C1GALT1C1: variants seen among roughly 807,000 people sequenced by gnomAD.
The protein encoded by C1GALT1C1 is C1GALT1 specific chaperone 1, also known as C1GALT1-specific chaperone 1.
For synonymous variants in C1GALT1C1, 77 were observed against 77.9 expected, an observed-to-expected ratio of 0.99 and a Z score of 0.06; for missense variants, 176 against 234.7, an observed-to-expected ratio of 0.75 and a Z score of 1.63.
At position 120,629,957 on chromosome X, in the gene C1GALT1C1, G is replaced by A. The variant is rs111295814; in HGVS notation, c.-46C>T. On this transcript the variant is annotated 5_prime_UTR_variant, in exon 1 of 2. Transcript: ENST00000304661. Reference sequence around the variant, plus strand: ...CTTGGGGACAGGAAAGCGCAGCCGCGCACGGGTTTCCTCTCACGTTGGCGC... The same window carrying A: ...CTTGGGGACAGGAAAGCGCAGCCGCACACGGGTTTCCTCTCACGTTGGCGC... 1,841 of 112,286 alleles carry A rather than the reference G, an allele frequency of 0.016. 40 individuals carry two copies. Among genetic ancestry groups the A allele is most frequent in the African/African-American group, 0.057 (1,766 of 30,868 alleles). 9.3% of individuals were successfully genotyped at this position (112,286 alleles called of 1,213,427 possible).
chrX:120,628,092 T>C (rs1013336923), intron 1 of C1GALT1C1, among the ~76,000 whole-genome samples: 1 of 110,160 alleles, frequency 9.1e-6, no homozygotes. Context: ...TCCAAAAAAT[T>C]AGCCAGACGT....
intron 1 of C1GALT1C1, among the ~76,000 whole-genome samples, chrX:120,628,256 TAAAAG>T (rs1407621733): frequency 9.0e-6 from 1 of 111,562 alleles, no homozygotes; most frequent in Non-Finnish European, 1.9e-5. Flanking sequence ...AATAAATAAA[TAAAAG>T]AAATTAAAAG....
At chrX:120,627,287 C>T in intron 1 of C1GALT1C1, 116 bp from the exon 2 acceptor site, 1 of 522,188 alleles carries the variant, frequency 1.9e-6, no homozygotes, top group Non-Finnish European at 2.8e-6. Flanking sequence ...TTAAAAGGTT[C>T]CCAAGCTTGA....
intron 1 of C1GALT1C1, among the ~76,000 whole-genome samples, chrX:120,629,590 G>A (rs1429648942): frequency 1.8e-5 from 2 of 111,896 alleles, no homozygotes; most frequent in South Asian, 3.7e-4. Context: ...AACTGCACAC[G>A]AGCACAAATG....
intron 1 of C1GALT1C1, among the ~76,000 whole-genome samples, chrX:120,629,326 G>T (rs972600025): frequency 9.0e-6 from 1 of 111,405 alleles, no homozygotes; most frequent in Non-Finnish European, 1.9e-5. Flanking sequence ...TTCATGTCAC[G>T]CAGTTTTCAT....
intron 1 of C1GALT1C1, among the ~76,000 whole-genome samples, chrX:120,628,252 TAAATA>T (rs1455155825): frequency 8.9e-6 from 1 of 111,855 alleles, no homozygotes; most frequent in East Asian, 2.8e-4. Flanking sequence ...AAAAAATAAA[TAAATA>T]AAAGAAATTA....
At position 120,627,140 on chromosome X, in the gene C1GALT1C1, CA is replaced by C; in HGVS notation, c.26del (p.Leu9Ter). 1 of 1,119,657 alleles carries C rather than the reference CA, an allele frequency of 8.9e-7. No homozygotes were observed. The allele number at this position is 1,119,657 out of a possible 1,213,427, so 92.3% of individuals were successfully genotyped here. A position where few individuals can be genotyped will look rare whatever the true frequency, so the allele number is the denominator to read the frequency against. On this transcript the variant is annotated frameshift_variant, in exon 2 of 2. Transcript: ENST00000304661. LOFTEE classifies it high-confidence loss of function. ...AAATGCTTCCAAGCATCACACCCTTCAAAAAGGAGCTGCTTTCAGAAAGCAT... is the reference window on the plus strand; with the variant it reads ...AAATGCTTCCAAGCATCACACCCTTCAAAAGGAGCTGCTTTCAGAAAGCAT... MLSESSSF[L>X]KGVMLGSIFC...
In C1GALT1C1 at chrX:120,626,229, T is replaced by C. The variant is rs1469899237; in HGVS notation, c.938A>G (p.Asn313Ser). ...CACTTCTCAGTCATTGTCAGAACCA[T>C]TTGGAGGTAAGAAAACCAATGCATC... ...FNDALVFLPP[N>S]GSDND The change falls in exon 2 of 2, where the codon AAT (asparagine) becomes AGT (serine). Residue 313 changes from asparagine to serine, a missense_variant. By Grantham distance (46) the Asn-to-Ser change is conservative. Coordinates refer to ENST00000304661, the MANE Select transcript of C1GALT1C1 (RefSeq NM_001011551.3). 10 of 1,209,358 alleles carry C rather than the reference T, an allele frequency of 8.3e-6. No homozygotes were observed. The highest frequency in any genetic ancestry group is 1.1e-5 in the Non-Finnish European group (10 of 893,247).
Position 120,626,404 on chromosome X carries a change from T to C in C1GALT1C1, c.763A>G (p.Ile255Val). The C allele has an allele frequency of 1.6e-6, 2 of 1,212,225 alleles. No individual in the cohort carries two copies. Among genetic ancestry groups the C allele is most frequent in the Admixed American group, 2.2e-5 (1 of 46,094 alleles). ...VFNTKSVGLS[I>V]KEAMTYHPNQ... The stretch of plus-strand genomic sequence containing the variant: ...GGGTGATAAGTCATTGCCTCTTTAA[T>C]AGAAAGCCCAACAGATTTGGTATTA... Residue 255 changes from isoleucine (I) to valine (V), a missense_variant, in exon 2 of 2, where the codon ATT (isoleucine) becomes GTT (valine). Physicochemically the swap from Ile to Val is conservative, Grantham distance 29. Transcript: ENST00000304661.
intron 1 of C1GALT1C1, 86 bp from the exon 2 acceptor site, chrX:120,627,257 T>C: frequency 1.4e-6 from 1 of 731,064 alleles, no homozygotes; most frequent in East Asian, 3.7e-5. Context: ...TATACTTACA[T>C]TTTGCTTTTA....
intron 1 of C1GALT1C1, 28 bp downstream of exon 1, chrX:120,629,889 G>A (rs1345635541): frequency 8.9e-6 from 1 of 112,202 alleles, no homozygotes; most frequent in Non-Finnish European, 1.9e-5. Flanking sequence ...GGTGCGCTTG[G>A]GGTGGGGGTC....
Position 120,626,300 on chromosome X carries a change from C to T in C1GALT1C1, c.867G>A (p.Met289Ile). ...NGLTPNQMHV[M>I]MYGVYRLRAF... ...CCCTAAGGCGGTATACCCCATACAT[C>T]ATCACATGCATCTGATTTGGAGTCA... The change falls in exon 2 of 2, where the codon ATG (methionine) becomes ATA (isoleucine). Residue 289 changes from methionine to isoleucine, a missense_variant. Transcript: ENST00000304661. The T allele has an allele frequency of 8.2e-7, 1 of 1,212,279 alleles. No homozygotes were observed. Among genetic ancestry groups the T allele is most frequent in the Non-Finnish European group, 1.1e-6 (1 of 895,532 alleles).
In C1GALT1C1 at chrX:120,627,108, G is replaced by A; in HGVS notation, c.59C>T (p.Ala20Val). Residue 20 changes from alanine (A) to valine (V), a missense_variant, in exon 2 of 2, where the codon GCT (alanine) becomes GTT (valine). Transcript: ENST00000304661. The part of the protein sequence containing the change: ...KGVMLGSIFC[A>V]LITMLGHIRI... ...AATGTGTCCTAGCATAGTGATCAAAGCACAGAAAATGCTTCCAAGCATCAC... is the reference window on the plus strand; with the variant it reads ...AATGTGTCCTAGCATAGTGATCAAAACACAGAAAATGCTTCCAAGCATCAC... 1 of 1,181,700 alleles carries A rather than the reference G, an allele frequency of 8.5e-7. No homozygotes were observed. Among genetic ancestry groups the A allele is most frequent in the Non-Finnish European group, 1.1e-6 (1 of 879,201 alleles).
chrX:120,625,886 C>G lies in C1GALT1C1; in HGVS notation c.*324G>C. ...TAAAGACCTGTTAAAATTTTTTAAC[C>G]AATCAGCAAAAATATGTGCCCCACA... is the stretch of plus-strand genomic sequence containing the variant. On this transcript the variant is annotated 3_prime_UTR_variant, in exon 2 of 2. Coordinates refer to ENST00000304661, the MANE Select transcript of C1GALT1C1 (RefSeq NM_001011551.3). 1 of 168,197 alleles carries G rather than the reference C, an allele frequency of 5.9e-6. No homozygotes were observed. The allele number at this position is 168,197 out of a possible 1,213,427, so 13.9% of individuals were successfully genotyped here.
chrX:120,628,568 G>GT, intron 1 of C1GALT1C1, among the ~76,000 whole-genome samples: 2 of 112,092 alleles, frequency 1.8e-5, no homozygotes, highest in Middle Eastern at 9.2e-3. Flanking sequence ...CAGTTTAATG[G>GT]TTTTTTTCCA....
intron 1 of C1GALT1C1, among the ~76,000 whole-genome samples, chrX:120,628,068 G>A (rs1452258483): frequency 9.1e-6 from 1 of 110,436 alleles, no homozygotes; most frequent in Non-Finnish European, 1.9e-5. Context: ...GTGAAACCTT[G>A]TCTCTACCCA....
rs139592902 is a variant in C1GALT1C1 at position 120,627,405 on chromosome X, G to C, written c.-5-234C>G. On this transcript the variant is annotated intron_variant, in intron 1 of 1. Transcript: ENST00000304661. The stretch of plus-strand genomic sequence containing the variant: ...GGAACTTTGCAACAACTCCTCTATG[G>C]AGAAGTTTGTTTTGCACTTCATCTA... 555 of 254,761 alleles carry C rather than the reference G, an allele frequency of 2.2e-3. 5 individuals are homozygous for C. The highest frequency in any genetic ancestry group is 0.014 in the African/African-American group (507 of 35,633). The allele number at this position is 254,761 out of a possible 1,213,427, so 21.0% of individuals were successfully genotyped here.
At chrX:120,628,321 C>G (rs1172686311) in intron 1 of C1GALT1C1, among the ~76,000 whole-genome samples, 1 of 112,401 alleles carries the variant, frequency 8.9e-6, no homozygotes, top group East Asian at 2.8e-4. Flanking sequence ...ACCATTTATT[C>G]TAGTAAAGGC....
intron 1 of C1GALT1C1, among the ~76,000 whole-genome samples, chrX:120,629,102 C>T (rs1351679768): frequency 3.6e-5 from 4 of 110,293 alleles, no homozygotes; most frequent in Non-Finnish European, 5.7e-5. Context: ...TGGCATATGA[C>T]TGTAATCCCA....
Sources: gnomAD v4.1 joint callset for allele counts (sites outside exome capture counted in the v4.1 genomes callset) on GRCh38, gnomAD v4.1.1 for gene constraint, MANE v1.5 for transcripts, NCBI Gene and HGNC (gene_info 2026-07-23, HGNC 2026-07-21) for gene names.